The following GAS7 variants were observed in gnomAD, a reference collection of about 807,000 sequenced individuals.
GAS7 encodes the protein growth arrest specific 7.
In GAS7, 28 loss-of-function variants were observed where a neutral mutation model predicts 71.1. The ratio of observed to expected loss-of-function variants is 0.39; its 90% CI spans 0.29 to 0.54. The LOEUF (loss-of-function observed/expected upper bound fraction) is 0.54, where lower values mean the gene tolerates loss of function less well. GAS7 is among the 20% of genes least tolerant of loss of function. GAS7 has a pLI of 0.62. For synonymous variants in GAS7, 258 were observed against 245.8 expected (o/e 1.05, Z -0.46); for missense variants, 436 against 627.8 (o/e 0.69, Z 3.27).
At chr17:10,136,868 T>G (rs2074042705) in intron 1 of GAS7, among the ~76,000 whole-genome samples, 1 of 151,990 alleles carries the variant, frequency 6.6e-6, no homozygotes, top group South Asian at 2.1e-4. Context: ...CCTGTAAAAA[T>G]CCCAGCTCTC....
At position 9,973,126 on chromosome 17, in the gene GAS7, G is replaced by A. The variant is rs538281648; in HGVS notation, c.386-3364C>T. ...GGGAGACCATTAGCAAACCATGGCT[G>A]GTTCTGTGTGTGTGCATCACAACAA... is the stretch of plus-strand genomic sequence containing the variant. On this transcript the variant is annotated intron_variant, in intron 3 of 13. Coordinates refer to ENST00000432992, the MANE Select transcript of GAS7 (RefSeq NM_201433.2). 4.3e-4 allele frequency among the ~76,000 whole-genome samples: 65 copies of A among 152,296 alleles called. 1 individual carries two copies. The Middle Eastern group carries it at 0.01, about 24-fold the overall frequency.
intron 1 of GAS7, among the ~76,000 whole-genome samples, chr17:10,172,357 G>A (rs2074341639): frequency 1.3e-5 from 2 of 152,150 alleles, no homozygotes; most frequent in African/African-American, 4.8e-5. Flanking sequence ...GATTCCCCAG[G>A]GGGCAGCCAA....
intron 1 of GAS7, among the ~76,000 whole-genome samples, chr17:10,138,256 C>T (rs1022144951): frequency 2.0e-5 from 3 of 152,118 alleles, no homozygotes; most frequent in Non-Finnish European, 4.4e-5. Flanking sequence ...TGAGCCACCA[C>T]ATCCGGCCAA....
At chr17:9,995,793 A>G (rs1031038965) in intron 2 of GAS7, among the ~76,000 whole-genome samples, 14 of 152,144 alleles carry the variant, frequency 9.2e-5, no homozygotes, top group Non-Finnish European at 1.9e-4. Context: ...TGTAAGTATG[A>G]AGGTATTTTG....
intron 1 of GAS7, among the ~76,000 whole-genome samples, chr17:10,047,063 C>T (rs1345103667): frequency 6.6e-6 from 1 of 152,098 alleles, no homozygotes; most frequent in Non-Finnish European, 1.5e-5. Context: ...CAGCCCTCTC[C>T]TCTCAGCACA....
intron 13 of GAS7, among the ~76,000 whole-genome samples, chr17:9,917,698 TTTTG>T (rs1455169177): frequency 2.0e-5 from 3 of 152,162 alleles, no homozygotes; most frequent in African/African-American, 7.2e-5. Flanking sequence ...TTTTTTTTGG[TTTTG>T]TTTTTTAAGA....
At chr17:10,099,227 C>T (rs1483003576) in intron 1 of GAS7, among the ~76,000 whole-genome samples, 2 of 152,112 alleles carry the variant, frequency 1.3e-5, no homozygotes, top group Admixed American at 6.5e-5. Flanking sequence ...CCTCCCTCTG[C>T]CCACCCATTT....
At chr17:9,925,932 A>G (rs1277006999) in intron 10 of GAS7, among the ~76,000 whole-genome samples, 2 of 152,032 alleles carry the variant, frequency 1.3e-5, no homozygotes, top group Admixed American at 6.6e-5. Context: ...AGGGACCACA[A>G]AGGCCATCTG....
chr17:10,078,253 G>C (rs1043522477), intron 1 of GAS7, among the ~76,000 whole-genome samples: 3 of 152,026 alleles, frequency 2.0e-5, no homozygotes, highest in South Asian at 2.1e-4. Context: ...CACCATGCCT[G>C]GCTAATTTTT....
In GAS7 at chr17:9,914,351, C is replaced by T. The variant is rs921555552; in HGVS notation, c.*2877G>A. 4.9e-5 allele frequency: 9 copies of T among 182,568 alleles called. No homozygotes were observed. The highest frequency in any genetic ancestry group is 8.9e-5 in the East Asian group (1 of 11,192). The allele number at this position is 182,568 out of a possible 1,614,324, so 11.3% of individuals were successfully genotyped here. On this transcript the variant is annotated 3_prime_UTR_variant, in exon 14 of 14. Transcript: ENST00000432992. ...AAGCGATTCTACTGCCTCAGCCTGC[C>T]GAATAGTTGGGACTACAGGTGTGCA...
intron 1 of GAS7, among the ~76,000 whole-genome samples, chr17:10,078,381 C>T (rs1264209265): frequency 1.3e-5 from 2 of 152,246 alleles, no homozygotes; most frequent in East Asian, 1.9e-4. Context: ...CATGAGTCAC[C>T]GCACCTAGCC....
intron 1 of GAS7, among the ~76,000 whole-genome samples, chr17:10,055,822 A>G (rs1016688038): frequency 1.3e-5 from 2 of 152,242 alleles, no homozygotes; most frequent in Non-Finnish European, 2.9e-5. Context: ...GCAGGTTGAC[A>G]CTGATTGCTT....
At chr17:10,146,292 C>T (rs2074120389) in intron 1 of GAS7, among the ~76,000 whole-genome samples, 1 of 152,234 alleles carries the variant, frequency 6.6e-6, no homozygotes. Flanking sequence ...ACCAGTCCAT[C>T]AAACCCACCT....
chr17:9,951,430 C>T (rs2069001454), intron 5 of GAS7, among the ~76,000 whole-genome samples: 1 of 151,996 alleles, frequency 6.6e-6, no homozygotes, highest in Non-Finnish European at 1.5e-5. Flanking sequence ...CTTGGCCTTG[C>T]CCTCTTGTCG....
chr17:10,164,428 G>A (rs1340012454), intron 1 of GAS7, among the ~76,000 whole-genome samples: 1 of 143,182 alleles, frequency 7.0e-6, no homozygotes, highest in African/African-American at 2.6e-5. Context: ...GCGACAAAGT[G>A]AGACTCTGTC....
At chr17:10,169,028 G>A (rs769784083) in intron 1 of GAS7, among the ~76,000 whole-genome samples, 32 of 150,018 alleles carry the variant, frequency 2.1e-4, no homozygotes, top group Non-Finnish European at 4.1e-4. Context: ...CTGTAATCCA[G>A]CACTTTGGGA....
intron 1 of GAS7, among the ~76,000 whole-genome samples, chr17:10,122,394 T>C (rs1036792423): frequency 6.6e-6 from 1 of 152,212 alleles, no homozygotes; most frequent in Admixed American, 6.5e-5. Context: ...TTCTAGGCAC[T>C]TTCCCAGTCA....
chr17:9,981,774 A>C lies in GAS7; in HGVS notation c.385+30T>G. 1 of 1,256,228 alleles carries C rather than the reference A, an allele frequency of 8.0e-7. No individual in the cohort carries two copies. The highest frequency in any genetic ancestry group is 1.2e-6 in the Non-Finnish European group (1 of 853,754). The allele number at this position is 1,256,228 out of a possible 1,614,324, so 77.8% of individuals were successfully genotyped here. A position where few individuals can be genotyped will look rare whatever the true frequency, so the allele number is the denominator to read the frequency against. On this transcript the variant is annotated intron_variant, in intron 3 of 13. Coordinates refer to ENST00000432992, the MANE Select transcript of GAS7 (RefSeq NM_201433.2). This position sits in a 1 kb window ranked among gnomAD's most constrained non-coding sequence, Gnocchi z 4.4. ...CTGAATGTGGCATCAGGGCCCTCCC[A>C]GTTGCCCCAAAGCAGACAGCGGACA...
intron 1 of GAS7, among the ~76,000 whole-genome samples, chr17:10,060,839 C>T (rs1383410628): frequency 2.0e-5 from 3 of 152,166 alleles, no homozygotes; most frequent in Non-Finnish European, 2.9e-5. Context: ...CACATGTAGC[C>T]TGTGTTTCTG....
Sources: allele counts gnomAD v4.1 joint callset (sites outside exome capture counted in the v4.1 genomes callset), GRCh38; gene constraint gnomAD v4.1.1; non-coding constraint Gnocchi (gnomAD v3.1); transcripts MANE v1.5; gene names NCBI Gene and HGNC (gene_info 2026-07-23, HGNC 2026-07-21).